Variants in ITIH2 observed in about 807,000 individuals in gnomAD.
The protein encoded by ITIH2 is inter-alpha-trypsin inhibitor heavy chain H2.
Under a neutral mutation model 104.4 loss-of-function variants are expected in ITIH2, and 103 were observed. That is an observed-to-expected ratio of 0.99 (90% CI 0.84 to 1.16). The LOEUF (loss-of-function observed/expected upper bound fraction) is 1.16, where lower values mean the gene tolerates loss of function less well. Ranked by LOEUF, ITIH2 falls within the 50% of genes most tolerant of loss-of-function variation. ITIH2 has a pLI of 0.00. For missense variants in ITIH2, 1,108 were observed against 1,162.4 expected (o/e 0.95, Z 0.68); for synonymous variants, 436 against 435.4 (o/e 1.00, Z -0.02).
intron 6 of ITIH2, 103 bp from the exon 7 acceptor site, chr10:7,720,753 C>A (rs41290283): frequency 2.9e-6 from 2 of 687,674 alleles, no homozygotes; most frequent in Admixed American, 2.2e-5. Flanking sequence ...GGGAAACCTG[C>A]GGAGGAGAAA....
intron 15 of ITIH2, 76 bp from the exon 16 acceptor site, chr10:7,738,545 C>A: frequency 1.3e-6 from 2 of 1,545,242 alleles, no homozygotes; most frequent in South Asian, 1.1e-5. Context: ...GTGCATAAAA[C>A]AGATTCTTGA....
intron 16 of ITIH2, among the ~76,000 whole-genome samples, chr10:7,742,377 T>C (rs899247282): frequency 1.3e-5 from 2 of 152,184 alleles, no homozygotes; most frequent in South Asian, 4.1e-4. Flanking sequence ...AATTGAATCA[T>C]ATTAATCTGT....
At position 7,712,813 on chromosome 10, in the gene ITIH2, T is replaced by C. The variant is rs190963409; in HGVS notation, c.363-368T>C. Among the ~76,000 whole-genome samples the C allele has an allele frequency of 1.0e-3, 157 of 152,268 alleles. 1 individual carries two copies. Among genetic ancestry groups the C allele is most frequent in the African/African-American group, 3.6e-3 (149 of 41,556 alleles). ...TTGTTGGGTTGTTTGCTCGCTCTTGTTTGTTTTGCTAAGATTACTATTCTG... is the reference window on the plus strand; with the variant it reads ...TTGTTGGGTTGTTTGCTCGCTCTTGCTTGTTTTGCTAAGATTACTATTCTG... On this transcript the variant is annotated intron_variant, in intron 4 of 20. Transcript: ENST00000358415.
intron 9 of ITIH2, 130 bp downstream of exon 9, chr10:7,723,697 C>T (rs577734544): frequency 6.5e-5 from 44 of 672,404 alleles, no homozygotes; most frequent in Non-Finnish European, 1.0e-4. Context: ...TACAGACTGC[C>T]GGTGTCAACT....
intron 16 of ITIH2, among the ~76,000 whole-genome samples, chr10:7,741,020 T>G (rs17362230): frequency 0.046 from 6,994 of 152,296 alleles, 236 homozygotes; most frequent in Non-Finnish European, 0.061. Context: ...GATTCACTGT[T>G]GCCTATCAGA....
At chr10:7,726,506 C>T (rs1466044009) in intron 9 of ITIH2, among the ~76,000 whole-genome samples, 5 of 152,028 alleles carry the variant, frequency 3.3e-5, no homozygotes, top group African/African-American at 9.7e-5. Context: ...TGGGAATGTT[C>T]TTCTGTCTGC....
At chr10:7,720,821 T>A (rs1177907803) in intron 6 of ITIH2, 35 bp from the exon 7 acceptor site, 1 of 1,307,666 alleles carries the variant, frequency 7.6e-7, no homozygotes, top group East Asian at 2.3e-5. Flanking sequence ...TTAAAGACTT[T>A]TAATGCTTTG....
rs1056797730 is a variant in ITIH2 at position 7,746,520 on chromosome 10, T to C, written c.2582-73T>C. The C allele has an allele frequency of 7.2e-6, 7 of 972,056 alleles. No individual in the cohort carries two copies. The African/African-American group carries it at 9.7e-5, about 13-fold the overall frequency. 60.2% of individuals were successfully genotyped at this position (972,056 alleles called of 1,614,324 possible). A position where few individuals can be genotyped will look rare whatever the true frequency, so the allele number is the denominator to read the frequency against. Reference sequence around the variant, plus strand: ...CTGGAGGGAGGACCGAAAGGTAGCATGGAGTCAATAATGAGCCTCTTTTTA... The same window carrying C: ...CTGGAGGGAGGACCGAAAGGTAGCACGGAGTCAATAATGAGCCTCTTTTTA... On this transcript the variant is annotated intron_variant, in intron 19 of 20. Transcript: ENST00000358415.
chr10:7,747,815 G>A (rs1240968998), intron 20 of ITIH2, among the ~76,000 whole-genome samples: 1 of 151,892 alleles, frequency 6.6e-6, no homozygotes, highest in Non-Finnish European at 1.5e-5. Flanking sequence ...GGGAGGATCC[G>A]TTGAACCCAG....
chr10:7,716,030 T>C (rs923863724), intron 5 of ITIH2, among the ~76,000 whole-genome samples: 1 of 151,684 alleles, frequency 6.6e-6, no homozygotes, highest in Non-Finnish European at 1.5e-5. Flanking sequence ...GCCCGGCTAA[T>C]TTTTGTATTT....
chr10:7,713,706 A>AGTTGTT (rs1013972994), intron 5 of ITIH2, among the ~76,000 whole-genome samples: 1 of 151,766 alleles, frequency 6.6e-6, no homozygotes, highest in African/African-American at 2.4e-5. Context: ...TTTTAATTGT[A>AGTTGTT]GTTGTTGTTG....
chr10:7,742,364 T>A (rs1055098835), intron 16 of ITIH2, among the ~76,000 whole-genome samples: 1 of 152,188 alleles, frequency 6.6e-6, no homozygotes, highest in African/African-American at 2.4e-5. Flanking sequence ...TCATTGCTTT[T>A]GGAATTGAAT....
intron 3 of ITIH2, among the ~76,000 whole-genome samples, chr10:7,708,321 C>T (rs1834765860): frequency 6.6e-6 from 1 of 152,202 alleles, no homozygotes; most frequent in Admixed American, 6.5e-5. Context: ...CCTTTGAGCA[C>T]ACTTACATAT....
intron 4 of ITIH2, among the ~76,000 whole-genome samples, chr10:7,709,432 T>C (rs140385945): frequency 6.6e-6 from 1 of 152,312 alleles, no homozygotes; most frequent in South Asian, 2.1e-4. Context: ...GGTAACAACC[T>C]CATACTTACT....
intron 15 of ITIH2, among the ~76,000 whole-genome samples, chr10:7,737,734 T>TTATATTCTA (rs1835078208): frequency 3.3e-5 from 1 of 30,358 alleles, no homozygotes; most frequent in Non-Finnish European, 4.9e-5. Context: ...ATATTCTATA[T>TTATATTCTA]TATATTCTAT....
rs996413668 is a variant in ITIH2, at chr10:7,714,165, A to ATTTTTTTT, written c.467+897_467+904dup. ...TCACTCCTTGCACTGCACACTCACTATTTTTTTTTTTTTTTTTTTTTTTTG... is the reference window on the plus strand; with the variant it reads ...TCACTCCTTGCACTGCACACTCACTATTTTTTTTTTTTTTTTTTTTTTTTTTTTTTTTG... On this transcript the variant is annotated intron_variant, in intron 5 of 20. Coordinates refer to ENST00000358415, the MANE Select transcript of ITIH2 (RefSeq NM_002216.3). Among the ~76,000 whole-genome samples the ATTTTTTTT allele has an allele frequency of 2.0e-3, 165 of 84,024 alleles. 4 individuals are homozygous for ATTTTTTTT. Among genetic ancestry groups the ATTTTTTTT allele is most frequent in the Non-Finnish European group, 2.5e-3 (113 of 45,184 alleles). The allele number at this position is 84,024 out of a possible 152,430, so 55.1% of individuals were successfully genotyped here. A position where few individuals can be genotyped will look rare whatever the true frequency, so the allele number is the denominator to read the frequency against.
chr10:7,737,167 T>C (rs1046379580), intron 15 of ITIH2, among the ~76,000 whole-genome samples: 5 of 151,206 alleles, frequency 3.3e-5, no homozygotes, highest in African/African-American at 1.2e-4. Flanking sequence ...GCTTGTAAAC[T>C]AGGAGAAAAG....
chr10:7,741,354 AT>A (rs1835122557), intron 16 of ITIH2, among the ~76,000 whole-genome samples: 1 of 151,540 alleles, frequency 6.6e-6, no homozygotes, highest in African/African-American at 2.4e-5. Context: ...AATTTTTTGT[AT>A]TTTTAGTAGA....
intron 11 of ITIH2, among the ~76,000 whole-genome samples, chr10:7,729,377 C>A (rs1834980635): frequency 6.6e-6 from 1 of 152,116 alleles, no homozygotes; most frequent in Non-Finnish European, 1.5e-5. Context: ...TGTTTCTCAA[C>A]CATTCAGTTC....
Sources: gnomAD v4.1 joint callset for allele counts (sites outside exome capture counted in the v4.1 genomes callset) on GRCh38, gnomAD v4.1.1 for gene constraint, MANE v1.5 for transcripts, NCBI Gene and HGNC (gene_info 2026-07-23, HGNC 2026-07-21) for gene names.